Variants in ZNF681 observed in about 807,000 individuals in gnomAD.
ZNF681 encodes the protein hypothetical protein FLJ31526.
Under a neutral mutation model 56.0 loss-of-function variants are expected in ZNF681, and 37 were observed. The ratio of observed to expected loss-of-function variants is 0.66; its 90% CI spans 0.51 to 0.87. The LOEUF is 0.87. ZNF681 is among the 40% of genes least tolerant of loss of function. The probability of loss-of-function intolerance (pLI) is 0.00; values close to 1 mark genes in which losing one functional copy is unlikely to be tolerated. For missense variants in ZNF681, 741 were observed against 744.9 expected (o/e 0.99, Z 0.06); for synonymous variants, 225 against 248.6 (o/e 0.91, Z 0.89).
intron 3 of ZNF681, among the ~76,000 whole-genome samples, chr19:23,747,722 A>G (rs1346476265): frequency 1.3e-5 from 2 of 152,032 alleles, no homozygotes; most frequent in Non-Finnish European, 2.9e-5. Flanking sequence ...ATTATAAACT[A>G]TAGCCAAACA....
At position 23,758,711 on chromosome 19, in the gene ZNF681, T is replaced by G. The variant is rs565362326; in HGVS notation, c.3+36A>C. 6.3e-4 allele frequency: 1,024 copies of G among 1,614,092 alleles called. 13 individuals are homozygous for G. The South Asian group carries it at 0.01, about 17-fold the overall frequency. ...AGGTCTGAGTCCCGCCACAGCCCCTTCCCCTCTCTCGGGATGTCGGACCCG... is the reference window on the plus strand; with the variant it reads ...AGGTCTGAGTCCCGCCACAGCCCCTGCCCCTCTCTCGGGATGTCGGACCCG... On this transcript the variant is annotated intron_variant, in intron 1 of 3. Coordinates refer to ENST00000402377, the MANE Select transcript of ZNF681 (RefSeq NM_138286.3).
intron 2 of ZNF681, 45 bp from the exon 3 acceptor site, chr19:23,754,963 T>C: frequency 1.3e-6 from 2 of 1,495,512 alleles, no homozygotes; most frequent in Non-Finnish European, 9.2e-7. Flanking sequence ...TTATATTGTC[T>C]AATCACCAAC....
intron 3 of ZNF681, among the ~76,000 whole-genome samples, chr19:23,751,196 G>C (rs1479212986): frequency 6.6e-6 from 1 of 150,596 alleles, no homozygotes; most frequent in Non-Finnish European, 1.5e-5. Flanking sequence ...ATCTAAATAG[G>C]CTGGGTGCGG....
chr19:23,743,898 G>A lies in ZNF681; in HGVS notation c.1652C>T (p.Thr551Ile). 3 of 1,600,350 alleles carry A rather than the reference G, an allele frequency of 1.9e-6. No homozygotes were observed. The highest frequency in any genetic ancestry group is 2.6e-6 in the Non-Finnish European group (3 of 1,170,622). ...KAFNHSSHLA[T>I]HKVIHTGEKP... ...CTCTCCAGTATGAATTACCTTATGT[G>A]TAGCAAGATGTGAGGAATGGTTAAA... The change falls in exon 4 of 4, where the codon ACA becomes ATA. Residue 551 changes from threonine to isoleucine, a missense_variant. Thr to Ile is a moderately conservative substitution (Grantham distance 89, BLOSUM62 -1). Transcript: ENST00000402377.
At chr19:23,747,377 A>G (rs954342646) in intron 3 of ZNF681, among the ~76,000 whole-genome samples, 1 of 151,844 alleles carries the variant, frequency 6.6e-6, no homozygotes, top group South Asian at 2.1e-4. Context: ...CGGTGGCTCA[A>G]GCCTGTAATC....
rs1337233103 is a variant in ZNF681, at chr19:23,742,249, T to C, written c.*1363A>G. The C allele has an allele frequency of 6.6e-6, 1 of 152,118 alleles. No homozygotes were observed. The highest frequency in any genetic ancestry group is 1.5e-5 in the Non-Finnish European group (1 of 68,024). The allele number at this position is 152,118 out of a possible 1,614,324, so 9.4% of individuals were successfully genotyped here. ...ACTCGCGCCTGTAATCCCAGCACTT[T>C]GGGAGGCCGAGGTGGGTGGATCACC... On this transcript the variant is annotated 3_prime_UTR_variant, in exon 4 of 4. Coordinates refer to ENST00000402377, the MANE Select transcript of ZNF681 (RefSeq NM_138286.3).
rs1968861480 is a variant in ZNF681 at position 23,740,301 on chromosome 19, T to C, written c.*3311A>G. On this transcript the variant is annotated 3_prime_UTR_variant, in exon 4 of 4. Transcript: ENST00000402377. ...AAATGACATGGTGTGAAGAGAACAG[T>C]GAGAAAACTGTAGCCACAGCACAGC... 6.6e-6 allele frequency: 1 copy of C among 152,040 alleles called. No individual in the cohort carries two copies. Among genetic ancestry groups the C allele is most frequent in the Admixed American group, 6.6e-5 (1 of 15,248 alleles). 9.4% of individuals were successfully genotyped at this position (152,040 alleles called of 1,614,324 possible).
intron 1 of ZNF681, among the ~76,000 whole-genome samples, chr19:23,756,730 C>T (rs1969125708): frequency 6.6e-6 from 1 of 151,928 alleles, no homozygotes. Context: ...TTGATAGGTG[C>T]AGCAAACCAC....
intron 3 of ZNF681, among the ~76,000 whole-genome samples, chr19:23,747,427 CAGG>C (rs1968960467): frequency 6.6e-6 from 1 of 152,022 alleles, no homozygotes; most frequent in African/African-American, 2.4e-5. Context: ...ATCACGAGGT[CAGG>C]AGATCAAGAC....
At chr19:23,758,233 T>C (rs1969153113) in intron 1 of ZNF681, among the ~76,000 whole-genome samples, 1 of 152,142 alleles carries the variant, frequency 6.6e-6, no homozygotes, top group Non-Finnish European at 1.5e-5. Context: ...ATTTTTCTAA[T>C]GGCCATATGA....
intron 1 of ZNF681, 79 bp downstream of exon 1, chr19:23,758,668 G>A (rs1969164340): frequency 1.2e-6 from 2 of 1,610,384 alleles, no homozygotes; most frequent in African/African-American, 1.3e-5. Flanking sequence ...GGCGCAAATT[G>A]TGGAGCTGAC....
At position 23,758,547 on chromosome 19, in the gene ZNF681, GAC is replaced by G. The variant is rs201047571; in HGVS notation, c.3+198_3+199del. ...CCACCCAGAGAGAGCTGCAGGCCAG[GAC>G]ACAGTCACTGAGCAGGGAGGAGAAA... On this transcript the variant is annotated intron_variant, in intron 1 of 3. Transcript: ENST00000402377. Among the ~76,000 whole-genome samples the G allele has an allele frequency of 7.7e-4, 118 of 152,316 alleles. No individual in the cohort carries two copies. The East Asian group carries it at 0.02, about 25-fold the overall frequency.
Position 23,745,021 on chromosome 19 carries a change from T to G in ZNF681, c.529A>C (p.Lys177Gln). ...AGGTTTGAAAATATGCAAAATGATTTGCCAAATTCTTTATATTTAAAAGGT... is the reference window on the plus strand; with the variant it reads ...AGGTTTGAAAATATGCAAAATGATTGGCCAAATTCTTTATATTTAAAAGGT... Reference protein sequence around the residue: ...KKPFKYKEFGKSFCIFSNLTQ... With the variant: ...KKPFKYKEFGQSFCIFSNLTQ... The change falls in exon 4 of 4, where the codon AAA becomes CAA. Residue 177 changes from lysine (K) to glutamine (Q), a missense_variant. By Grantham distance (53) the Lys-to-Gln change is moderately conservative. Coordinates refer to ENST00000402377, the MANE Select transcript of ZNF681 (RefSeq NM_138286.3). 6.3e-7 allele frequency: 1 copy of G among 1,594,988 alleles called. No individual in the cohort carries two copies. The highest frequency in any genetic ancestry group is 8.6e-7 in the Non-Finnish European group (1 of 1,169,158).
Position 23,744,058 on chromosome 19 carries a change from T to G in ZNF681, c.1492A>C (p.Arg498=). The G allele has an allele frequency of 6.2e-7, 1 of 1,613,204 alleles. No homozygotes were observed. Among genetic ancestry groups the G allele is most frequent in the Non-Finnish European group, 8.5e-7 (1 of 1,179,762 alleles). ...NQSSILTTHK[R]IHTGEKSYKC... ...TAGGATTTCTCTCCAGTATGAATTC[T>G]CTTATGTGTAGTAAGGATTGAGGAC... is the stretch of plus-strand genomic sequence containing the variant. The change falls in exon 4 of 4, where the codon AGA becomes CGA. Residue 498 remains arginine, a synonymous_variant. Coordinates refer to ENST00000402377, the MANE Select transcript of ZNF681 (RefSeq NM_138286.3).
At chr19:23,757,860 A>C (rs1969146567) in intron 1 of ZNF681, among the ~76,000 whole-genome samples, 1 of 152,140 alleles carries the variant, frequency 6.6e-6, no homozygotes, top group Non-Finnish European at 1.5e-5. Flanking sequence ...CTTAAAAAAA[A>C]AATCCTTAAA....
At chr19:23,752,379 A>G (rs1324326131) in intron 3 of ZNF681, among the ~76,000 whole-genome samples, 3 of 152,272 alleles carry the variant, frequency 2.0e-5, no homozygotes, top group Non-Finnish European at 4.4e-5. Flanking sequence ...AAGCAGTTCA[A>G]TGACTCAGTT....
intron 1 of ZNF681, among the ~76,000 whole-genome samples, chr19:23,757,272 A>G (rs1360006645): frequency 6.6e-6 from 1 of 152,160 alleles, no homozygotes; most frequent in Non-Finnish European, 1.5e-5. Context: ...TGCCTGGGAT[A>G]ACACATTATG....
chr19:23,745,154 T>C lies in ZNF681; in HGVS notation c.396A>G (p.Gln132=). The C allele has an allele frequency of 6.2e-7, 1 of 1,612,432 alleles. No individual in the cohort carries two copies. The highest frequency in any genetic ancestry group is 8.5e-7 in the Non-Finnish European group (1 of 1,179,684). ...VQKGGYNGLN[Q]CLPTTQSKIF... ...TTTTGCTCTGGGTAGTTGGCAAACA[T>C]TGGTTAAGTCCATTATAACCTCCTT... is the stretch of plus-strand genomic sequence containing the variant. Residue 132 remains glutamine (Q), a synonymous_variant, in exon 4 of 4, where the codon CAA becomes CAG. Transcript: ENST00000402377.
In ZNF681 at chr19:23,745,074, C is replaced by T; in HGVS notation, c.476G>A (p.Gly159Glu). ...TTTTCTGGTGTGTCTTACCTTATGT[C>T]CATTTAAATTTGAAAATTTATGAAA... ...KIFHKFSNLN[G>E]HKVRHTRKKP... Residue 159 changes from glycine to glutamate, a missense_variant, in exon 4 of 4, where the codon GGA becomes GAA. Gly to Glu is a moderately conservative substitution (Grantham distance 98). Transcript: ENST00000402377. The T allele has an allele frequency of 6.3e-7, 1 of 1,598,744 alleles. No homozygotes were observed. The highest frequency in any genetic ancestry group is 8.5e-7 in the Non-Finnish European group (1 of 1,172,278).
Sources: allele counts gnomAD v4.1 joint callset (sites outside exome capture counted in the v4.1 genomes callset), GRCh38; gene constraint gnomAD v4.1.1; transcripts MANE v1.5; gene names NCBI Gene and HGNC (gene_info 2026-07-23, HGNC 2026-07-21).